AK4: variants seen among roughly 807,000 people sequenced by gnomAD.
AK4 encodes the protein adenylate kinase 4, mitochondrial.
AK4 carries 13 observed loss-of-function variants against 24.6 expected under a neutral mutation model. The observed-to-expected ratio is 0.53, with a 90% CI of 0.34 to 0.84. The LOEUF (loss-of-function observed/expected upper bound fraction) is 0.84. Among genes scored for constraint, AK4 ranks in the 40% least tolerant of loss-of-function variants. The pLI, the probability that AK4 is intolerant of heterozygous loss-of-function variation, is 0.01. For missense variants in AK4, 192 were observed against 288.2 expected, an observed-to-expected ratio of 0.67 and a Z score of 2.42; for synonymous variants, 88 against 107.0, an observed-to-expected ratio of 0.82 and a Z score of 1.10.
At chr1:65,202,135 C>G (rs756720652) in intron 2 of AK4, among the ~76,000 whole-genome samples, 3 of 152,168 alleles carry the variant, frequency 2.0e-5, no homozygotes, top group Non-Finnish European at 4.4e-5. Flanking sequence ...TGGTGGCTCA[C>G]GCTTGTAATC....
At chr1:65,152,360 C>T (rs4916022) in intron 1 of AK4, among the ~76,000 whole-genome samples, 8 of 27,940 alleles carry the variant, frequency 2.9e-4, no homozygotes, top group Admixed American at 7.5e-4. Context: ...CTCTCTCTCT[C>T]TATATATATA....
chr1:65,183,059 C>A (rs1650962870), intron 1 of AK4, among the ~76,000 whole-genome samples: 1 of 152,056 alleles, frequency 6.6e-6, no homozygotes, highest in Non-Finnish European at 1.5e-5. Context: ...GATATAGGGC[C>A]TGGCACATAG....
In AK4 at chr1:65,232,079, C is replaced by G. The variant is rs1186013103; in HGVS notation, c.*5902C>G. Reference sequence around the variant, plus strand: ...TTGTATTATTGATTATGTTGATTATCTTGCTTGAAGGTTCATACTTTTCAA... The same window carrying G: ...TTGTATTATTGATTATGTTGATTATGTTGCTTGAAGGTTCATACTTTTCAA... On this transcript the variant is annotated 3_prime_UTR_variant, in exon 5 of 5. Coordinates refer to ENST00000327299, the MANE Select transcript of AK4 (RefSeq NM_013410.4). The G allele has an allele frequency of 1.3e-5, 2 of 152,132 alleles. No homozygotes were observed. Among genetic ancestry groups the G allele is most frequent in the Non-Finnish European group, 2.9e-5 (2 of 68,026 alleles). 9.4% of individuals were successfully genotyped at this position (152,132 alleles called of 1,614,324 possible). A position where few individuals can be genotyped will look rare whatever the true frequency, so the allele number is the denominator to read the frequency against.
At chr1:65,218,717 T>C in intron 2 of AK4, 37 bp from the exon 3 acceptor site, 1 of 1,540,760 alleles carries the variant, frequency 6.5e-7, no homozygotes, top group Non-Finnish European at 8.7e-7. Flanking sequence ...AACTGGGCAA[T>C]AGCTTGCATT....
intron 1 of AK4, chr1:65,154,667 GGA>G (rs572821723): frequency 1.4e-4 from 58 of 428,684 alleles, no homozygotes; most frequent in Non-Finnish European, 2.4e-4. Context: ...CTCCTTCAAA[GGA>G]TTATCCAAGG....
intron 2 of AK4, among the ~76,000 whole-genome samples, chr1:65,191,686 T>C (rs375247122): frequency 6.6e-6 from 1 of 151,808 alleles, no homozygotes; most frequent in East Asian, 1.9e-4. Flanking sequence ...ATAAAGATGG[T>C]GGAACTGGAT....
intron 2 of AK4, among the ~76,000 whole-genome samples, chr1:65,213,014 CA>C (rs1159549033): frequency 1.3e-5 from 2 of 152,210 alleles, no homozygotes; most frequent in Admixed American, 1.3e-4. Flanking sequence ...CCTTCCAAGG[CA>C]CAGTTGTCTT....
chr1:65,148,191 A>T, upstream of AK4: 1 of 989,366 alleles, frequency 1.0e-6, no homozygotes, highest in Non-Finnish European at 1.4e-6. Flanking sequence ...GGGGAGGTGT[A>T]GCGTGGCGCT....
intron 1 of AK4, among the ~76,000 whole-genome samples, chr1:65,168,541 G>A (rs370526595): frequency 1.4e-4 from 22 of 152,052 alleles, no homozygotes; most frequent in Admixed American, 5.9e-4. Flanking sequence ...ATCCTCCCCC[G>A]TCAGGCTCCC....
chr1:65,179,264 T>G (rs1650820406), intron 1 of AK4, among the ~76,000 whole-genome samples: 1 of 152,166 alleles, frequency 6.6e-6, no homozygotes, highest in Admixed American at 6.5e-5. Flanking sequence ...TTTATACAGG[T>G]GCTAGTGTCA....
intron 1 of AK4, among the ~76,000 whole-genome samples, chr1:65,189,287 C>CT (rs11373489): frequency 0.3 from 39,291 of 132,478 alleles, 6,178 homozygotes; most frequent in East Asian, 0.53. Flanking sequence ...GATTCTCTCT[C>CT]TTTTTTTTTT....
At chr1:65,211,981 A>G (rs1651985393) in intron 2 of AK4, among the ~76,000 whole-genome samples, 1 of 152,200 alleles carries the variant, frequency 6.6e-6, no homozygotes, top group African/African-American at 2.4e-5. Context: ...AGCTGAGGAT[A>G]CACATGGGTA....
At chr1:65,197,859 C>T (rs771270164) in intron 2 of AK4, among the ~76,000 whole-genome samples, 16 of 152,116 alleles carry the variant, frequency 1.1e-4, no homozygotes, top group African/African-American at 2.4e-4. Flanking sequence ...TCCCACTGGG[C>T]GACATATGTC....
chr1:65,166,973 A>T (rs1262713184), intron 1 of AK4, among the ~76,000 whole-genome samples: 1 of 152,222 alleles, frequency 6.6e-6, no homozygotes, highest in Non-Finnish European at 1.5e-5. Flanking sequence ...CTCTACTAAA[A>T]ATACAAAGAT....
At chr1:65,181,208 CAG>C (rs766458913) in intron 1 of AK4, among the ~76,000 whole-genome samples, 10 of 151,456 alleles carry the variant, frequency 6.6e-5, no homozygotes, top group South Asian at 2.1e-4. Flanking sequence ...GCCTAAGAAA[CAG>C]AGTGTTATCA....
chr1:65,225,826 TTAA>T (rs1205754530), intron 4 of AK4, among the ~76,000 whole-genome samples: 1 of 152,146 alleles, frequency 6.6e-6, no homozygotes, highest in African/African-American at 2.4e-5. Flanking sequence ...TTGATATGTT[TTAA>T]AGGGGGAGAA....
intron 1 of AK4, among the ~76,000 whole-genome samples, chr1:65,157,172 T>A (rs866689797): frequency 6.6e-6 from 1 of 152,202 alleles, no homozygotes; most frequent in East Asian, 1.9e-4. Flanking sequence ...TTAAAGTATT[T>A]GAAGAACATC....
chr1:65,230,024 C>T lies in AK4; in HGVS notation c.*3847C>T, dbSNP rs535623823. The T allele has an allele frequency of 3.9e-5, 6 of 152,328 alleles. No homozygotes were observed. The South Asian group carries it at 1.2e-3, about 32-fold the overall frequency. The allele number at this position is 152,328 out of a possible 1,614,324, so 9.4% of individuals were successfully genotyped here. A position where few individuals can be genotyped will look rare whatever the true frequency, so the allele number is the denominator to read the frequency against. On this transcript the variant is annotated 3_prime_UTR_variant, in exon 5 of 5. Coordinates refer to ENST00000327299, the MANE Select transcript of AK4 (RefSeq NM_013410.4). Reference sequence around the variant, plus strand: ...TTTTGTACCATTGTCTATTCCATTACACATTAACATGACTCTGAATGCCAG... The same window carrying T: ...TTTTGTACCATTGTCTATTCCATTATACATTAACATGACTCTGAATGCCAG...
At chr1:65,224,940 C>G in intron 4 of AK4, 70 bp downstream of exon 4, 3 of 1,208,796 alleles carry the variant, frequency 2.5e-6, no homozygotes, top group Non-Finnish European at 2.4e-6. Context: ...GGGAGGAACA[C>G]GGGGCTGAGG....
Sources: allele counts gnomAD v4.1 joint callset (sites outside exome capture counted in the v4.1 genomes callset), GRCh38; gene constraint gnomAD v4.1.1; transcripts MANE v1.5; gene names NCBI Gene and HGNC (gene_info 2026-07-23, HGNC 2026-07-21).